SNX13: variants seen among roughly 807,000 people sequenced by gnomAD.
SNX13 encodes the protein sorting nexin 13, also known as sorting nexin-13.
Under a neutral mutation model 133.6 loss-of-function variants are expected in SNX13, and 45 were observed. The observed-to-expected ratio is 0.34, with a 90% confidence interval of 0.27 to 0.43. The LOEUF is 0.43. Ranked by LOEUF, SNX13 falls within the 20% of genes least tolerant of loss-of-function variation. SNX13 has a pLI of 1.00. For missense variants in SNX13, 1,032 were observed against 1,145.1 expected (o/e 0.90, Z 1.43); for synonymous variants, 414 against 373.9 (o/e 1.11, Z -1.24).
At chr7:17,829,525 G>A (rs1225039837) in intron 16 of SNX13, among the ~76,000 whole-genome samples, 2 of 151,126 alleles carry the variant, frequency 1.3e-5, no homozygotes, top group African/African-American at 4.8e-5. Context: ...AAAATTTTTT[G>A]TTTACAATGA....
chr7:17,935,259 C>G (rs565800041), intron 1 of SNX13, among the ~76,000 whole-genome samples: 2 of 152,198 alleles, frequency 1.3e-5, no homozygotes, highest in African/African-American at 4.8e-5. Context: ...CTGAAAAAAG[C>G]CAAGCATGGG....
intron 1 of SNX13, among the ~76,000 whole-genome samples, chr7:17,928,991 C>T (rs12699917): frequency 0.78 from 118,812 of 151,734 alleles, 47,276 homozygotes; most frequent in Non-Finnish European, 0.85. Context: ...AAGCATTTTT[C>T]AAACCTATAA....
chr7:17,852,061 C>G (rs974116462), intron 9 of SNX13, among the ~76,000 whole-genome samples: 1 of 152,192 alleles, frequency 6.6e-6, no homozygotes, highest in Non-Finnish European at 1.5e-5. Flanking sequence ...GGTGTTCTAA[C>G]AAGCCAAGTA....
chr7:17,800,132 G>A (rs1187730875), intron 22 of SNX13, among the ~76,000 whole-genome samples: 1 of 151,696 alleles, frequency 6.6e-6, no homozygotes, highest in Admixed American at 6.6e-5. Context: ...ATTCCTACGA[G>A]TTTGGTGCCA....
chr7:17,845,567 A>G, intron 12 of SNX13, 28 bp downstream of exon 12: 1 of 1,376,170 alleles, frequency 7.3e-7, no homozygotes. Context: ...CAATGGCTGT[A>G]TCATTTAAAT....
At chr7:17,848,920 T>G (rs928991578) in intron 11 of SNX13, among the ~76,000 whole-genome samples, 1 of 152,250 alleles carries the variant, frequency 6.6e-6, no homozygotes, top group Non-Finnish European at 1.5e-5. Flanking sequence ...CTATTTACTC[T>G]GTTTCTTTGG....
rs1277001887 is a variant in SNX13 at position 17,893,452 on chromosome 7, A to G, written c.126-18T>C. On this transcript the variant is annotated intron_variant, in intron 2 of 25. Coordinates refer to ENST00000428135, the MANE Select transcript of SNX13 (RefSeq NM_015132.5). ...CTAAACCCCTAGAAAGAAAAATTTA[A>G]TCACAAATATAAAAACAAAATTTCC... The G allele has an allele frequency of 6.9e-7, 1 of 1,452,128 alleles. No homozygotes were observed. The allele number at this position is 1,452,128 out of a possible 1,614,324, so 90.0% of individuals were successfully genotyped here.
chr7:17,805,325 G>T (rs1009963823), intron 20 of SNX13, among the ~76,000 whole-genome samples: 1 of 150,274 alleles, frequency 6.7e-6, no homozygotes, highest in Non-Finnish European at 1.5e-5. Context: ...AACCAGAATA[G>T]TATGTTCAAA....
At chr7:17,867,528 G>C (rs554157026) in intron 9 of SNX13, among the ~76,000 whole-genome samples, 2 of 152,002 alleles carry the variant, frequency 1.3e-5, no homozygotes, top group Non-Finnish European at 1.5e-5. Flanking sequence ...GATCACTTGA[G>C]CCAAGGAGGC....
intron 5 of SNX13, chr7:17,890,016 T>C (rs1416597410): frequency 6.0e-6 from 1 of 166,614 alleles, no homozygotes; most frequent in Non-Finnish European, 1.3e-5. Flanking sequence ...TCTATTTTCA[T>C]AGCACTCACA....
chr7:17,805,250 T>TGTGTGCGCGCGC, intron 20 of SNX13, among the ~76,000 whole-genome samples: 21 of 95,596 alleles, frequency 2.2e-4, no homozygotes, highest in Admixed American at 4.7e-4. Context: ...TGTGTGTGTG[T>TGTGTGCGCGCGC]GCGTGCGCGC....
intron 25 of SNX13, 176 bp downstream of exon 25, chr7:17,796,651 C>G: frequency 1.8e-6 from 1 of 569,240 alleles, no homozygotes; most frequent in Non-Finnish European, 3.1e-6. Context: ...CTTTACAGTA[C>G]TGTCATGAGG....
At chr7:17,893,583 A>AGAT (rs1344270897) in intron 2 of SNX13, 149 bp from the exon 3 acceptor site, 1 of 598,342 alleles carries the variant, frequency 1.7e-6, no homozygotes, top group African/African-American at 1.9e-5. Flanking sequence ...AGAAATTGAC[A>AGAT]GATTGTATTA....
chr7:17,799,598 CTTAG>C (rs1037242347), intron 22 of SNX13, among the ~76,000 whole-genome samples: 3 of 151,714 alleles, frequency 2.0e-5, no homozygotes, highest in Non-Finnish European at 3.0e-5. Context: ...ATGTATTTTG[CTTAG>C]TTAGTAAATT....
At chr7:17,861,570 T>G (rs1451310072) in intron 9 of SNX13, among the ~76,000 whole-genome samples, 1 of 152,118 alleles carries the variant, frequency 6.6e-6, no homozygotes, top group African/African-American at 2.4e-5. Context: ...TCAAGTGAGC[T>G]CGAGGATGTG....
intron 20 of SNX13, among the ~76,000 whole-genome samples, chr7:17,806,611 TCAGA>T (rs900019263): frequency 2.0e-4 from 31 of 151,674 alleles, no homozygotes; most frequent in African/African-American, 6.8e-4. Context: ...CAGAAATGAA[TCAGA>T]AAGATAGGTA....
intron 25 of SNX13, chr7:17,795,329 A>G (rs1002097788): frequency 1.5e-4 from 23 of 151,694 alleles, no homozygotes; most frequent in Non-Finnish European, 3.0e-5. Context: ...AGAAACATGC[A>G]ATTTCCAAAA....
intron 22 of SNX13, 33 bp downstream of exon 22, chr7:17,801,555 A>T (rs1784649395): frequency 6.4e-7 from 1 of 1,552,818 alleles, no homozygotes. Context: ...GTATGACTTA[A>T]ACTAAATACT....
chr7:17,866,768 A>G (rs1315751154), intron 9 of SNX13, among the ~76,000 whole-genome samples: 2 of 152,238 alleles, frequency 1.3e-5, no homozygotes, highest in East Asian at 3.8e-4. Context: ...AGTCAGACAG[A>G]AAGAGTAAGA....
Sources: allele counts gnomAD v4.1 joint callset (sites outside exome capture counted in the v4.1 genomes callset), GRCh38; gene constraint gnomAD v4.1.1; transcripts MANE v1.5; gene names NCBI Gene and HGNC (gene_info 2026-07-23, HGNC 2026-07-21).